CDYL2: variants seen among roughly 807,000 people sequenced by gnomAD.
The protein encoded by CDYL2 is chromodomain Y like 2, also known as chromodomain Y-like protein 2.
CDYL2 carries 23 observed loss-of-function variants against 49.4 expected under a neutral mutation model. The ratio of observed to expected loss-of-function variants is 0.47; its 90% CI spans 0.34 to 0.66. The LOEUF (loss-of-function observed/expected upper bound fraction) is 0.66, where lower values mean the gene tolerates loss of function less well. Among genes scored for constraint, CDYL2 ranks in the 30% least tolerant of loss-of-function variants. The pLI is 0.01. For synonymous variants in CDYL2, 360 were observed against 268.8 expected (o/e 1.34, Z -3.32); for missense variants, 678 against 656.4 (o/e 1.03, Z -0.36).
At chr16:80,617,013 A>G (rs1291223098) in intron 4 of CDYL2, among the ~76,000 whole-genome samples, 1 of 152,168 alleles carries the variant, frequency 6.6e-6, no homozygotes, top group Non-Finnish European at 1.5e-5. Flanking sequence ...GCTGCTAGCC[A>G]ACACTGCTTT....
chr16:80,800,140 G>A (rs1280500877), intron 1 of CDYL2, among the ~76,000 whole-genome samples: 1 of 152,184 alleles, frequency 6.6e-6, no homozygotes, highest in African/African-American at 2.4e-5. Context: ...ATGCACTCAA[G>A]TGCCTTTCTT....
chr16:80,615,945 G>A (rs1221677669), intron 4 of CDYL2, among the ~76,000 whole-genome samples: 1 of 152,216 alleles, frequency 6.6e-6, no homozygotes, highest in Non-Finnish European at 1.5e-5. Context: ...GGGCCCTGCA[G>A]CTCCGATATC....
chr16:80,749,759 T>C (rs1906065871), intron 1 of CDYL2, among the ~76,000 whole-genome samples: 1 of 152,154 alleles, frequency 6.6e-6, no homozygotes, highest in African/African-American at 2.4e-5. Context: ...AGCATACATG[T>C]GCATGTGCTA....
chr16:80,646,420 G>C (rs537911834), intron 2 of CDYL2, among the ~76,000 whole-genome samples: 1 of 152,272 alleles, frequency 6.6e-6, no homozygotes, highest in African/African-American at 2.4e-5. Context: ...GCAGGAGAAA[G>C]TCTTTACTTA....
chr16:80,769,949 A>T (rs1434351192), intron 1 of CDYL2, among the ~76,000 whole-genome samples: 1 of 152,250 alleles, frequency 6.6e-6, no homozygotes, highest in Non-Finnish European at 1.5e-5. Flanking sequence ...ACACAACTTT[A>T]AAATGAAATG....
At chr16:80,671,917 A>C (rs1020382350) in intron 2 of CDYL2, among the ~76,000 whole-genome samples, 2 of 152,210 alleles carry the variant, frequency 1.3e-5, no homozygotes, top group Non-Finnish European at 2.9e-5. Context: ...ACCTAACCTA[A>C]ATGTCCAACA....
chr16:80,653,608 C>T (rs952175281), intron 2 of CDYL2, among the ~76,000 whole-genome samples: 3 of 152,116 alleles, frequency 2.0e-5, no homozygotes, highest in Admixed American at 6.5e-5. Flanking sequence ...GTACATGAGA[C>T]GTCCTGATAC....
chr16:80,671,940 C>A (rs911048017), intron 2 of CDYL2, among the ~76,000 whole-genome samples: 2 of 152,290 alleles, frequency 1.3e-5, no homozygotes, highest in African/African-American at 4.8e-5. Flanking sequence ...AAGAGACTGG[C>A]TACATAAATC....
At chr16:80,769,378 T>C (rs1250654675) in intron 1 of CDYL2, among the ~76,000 whole-genome samples, 2 of 152,222 alleles carry the variant, frequency 1.3e-5, no homozygotes, top group South Asian at 4.1e-4. Context: ...TGCAAGTAAC[T>C]ATACTAAAGC....
At chr16:80,684,377 C>T (rs530074817) in intron 2 of CDYL2, among the ~76,000 whole-genome samples, 161 bp downstream of exon 2, 133 of 152,200 alleles carry the variant, frequency 8.7e-4, no homozygotes, top group Non-Finnish European at 1.6e-3. Context: ...GGCCTACGAC[C>T]GAGTCCACAA....
intron 1 of CDYL2, among the ~76,000 whole-genome samples, chr16:80,778,559 T>C (rs1324472254): frequency 6.6e-6 from 1 of 151,984 alleles, no homozygotes; most frequent in African/African-American, 2.4e-5. Context: ...CTAGAAAACT[T>C]TCCTAACACA....
chr16:80,676,076 G>T (rs1909731347), intron 2 of CDYL2, among the ~76,000 whole-genome samples: 1 of 152,090 alleles, frequency 6.6e-6, no homozygotes, highest in Non-Finnish European at 1.5e-5. Context: ...TCTGCCATAG[G>T]TCAAGTTGCT....
chr16:80,651,950 G>A (rs1908601813), intron 2 of CDYL2, among the ~76,000 whole-genome samples: 1 of 152,190 alleles, frequency 6.6e-6, no homozygotes, highest in African/African-American at 2.4e-5. Flanking sequence ...AAAGGAGAAG[G>A]CTAGAATGTG....
At chr16:80,776,564 T>G (rs1304019298) in intron 1 of CDYL2, among the ~76,000 whole-genome samples, 3 of 150,584 alleles carry the variant, frequency 2.0e-5, no homozygotes, top group Non-Finnish European at 4.4e-5. Context: ...ATCTTTTATT[T>G]ATATATTATA....
chr16:80,753,274 A>T (rs1364445115), intron 1 of CDYL2, among the ~76,000 whole-genome samples: 2 of 152,012 alleles, frequency 1.3e-5, no homozygotes, highest in African/African-American at 2.4e-5. Context: ...AAAAAAAAAA[A>T]ATTTAATCTT....
rs1268600156 is a variant in CDYL2 at position 80,603,798 on chromosome 16, A to C, written c.*590T>G. On this transcript the variant is annotated 3_prime_UTR_variant, in exon 7 of 7. Transcript: ENST00000570137. ...ATTGTTTTAAAAATATATATTTAACAAAACATTTCTAAATGTACAATATCT... is the reference window on the plus strand; with the variant it reads ...ATTGTTTTAAAAATATATATTTAACCAAACATTTCTAAATGTACAATATCT... 1 of 152,720 alleles carries C rather than the reference A, an allele frequency of 6.5e-6. No homozygotes were observed. The highest frequency in any genetic ancestry group is 2.4e-5 in the African/African-American group (1 of 41,468). 9.5% of individuals were successfully genotyped at this position (152,720 alleles called of 1,614,324 possible). A position where few individuals can be genotyped will look rare whatever the true frequency, so the allele number is the denominator to read the frequency against.
chr16:80,645,944 T>A (rs886824096), intron 2 of CDYL2, among the ~76,000 whole-genome samples: 3 of 127,792 alleles, frequency 2.3e-5, no homozygotes, highest in Admixed American at 2.0e-4. Context: ...ATGAGAACAC[T>A]TGGACACAGG....
intron 3 of CDYL2, among the ~76,000 whole-genome samples, chr16:80,629,650 G>A (rs1311111166): frequency 2.0e-5 from 3 of 152,162 alleles, no homozygotes; most frequent in African/African-American, 7.2e-5. Context: ...TCCCAGACAG[G>A]AGAAATATTA....
intron 6 of CDYL2, among the ~76,000 whole-genome samples, chr16:80,605,011 A>G (rs1002202157): frequency 6.6e-6 from 1 of 152,238 alleles, no homozygotes; most frequent in African/African-American, 2.4e-5. Flanking sequence ...TGTTCAGGCT[A>G]CAATGTTAGT....
Sources: gnomAD v4.1 joint callset for allele counts (sites outside exome capture counted in the v4.1 genomes callset) on GRCh38, gnomAD v4.1.1 for gene constraint, MANE v1.5 for transcripts, NCBI Gene and HGNC (gene_info 2026-07-23, HGNC 2026-07-21) for gene names.